Variants in PRKN observed in about 807,000 individuals in gnomAD.
PRKN encodes E3 ubiquitin-protein ligase parkin.
In PRKN, 56 loss-of-function variants were observed where a neutral mutation model predicts 59.5. The ratio of observed to expected loss-of-function variants is 0.94; its 90% CI spans 0.76 to 1.18. The LOEUF (loss-of-function observed/expected upper bound fraction) is 1.18, where lower values mean the gene tolerates loss of function less well. PRKN is among the 50% of genes most tolerant of loss of function. The pLI, the probability that PRKN is intolerant of heterozygous loss-of-function variation, is 0.00. For synonymous variants in PRKN, 250 were observed against 222.1 expected, an observed-to-expected ratio of 1.13 and a Z score of -1.12; for missense variants, 657 against 596.4, an observed-to-expected ratio of 1.10 and a Z score of -1.06.
chr6:162,463,840 A>G (rs1351180979), intron 1 of PRKN, among the ~76,000 whole-genome samples: 1 of 152,180 alleles, frequency 6.6e-6, no homozygotes, highest in Non-Finnish European at 1.5e-5. Flanking sequence ...AGAGGGATAA[A>G]GTCTCAGATA....
intron 7 of PRKN, among the ~76,000 whole-genome samples, chr6:161,620,954 G>A (rs1482951235): frequency 1.3e-5 from 2 of 152,172 alleles, no homozygotes; most frequent in Non-Finnish European, 2.9e-5. Flanking sequence ...AGGATAGGCT[G>A]TATAATTCCG....
Position 161,423,437 on chromosome 6 carries a change from C to A in PRKN, c.1084-36560G>T, listed in dbSNP as rs569054860. Among the ~76,000 whole-genome samples the A allele has an allele frequency of 9.2e-5, 14 of 152,274 alleles. No individual in the cohort carries two copies. Among genetic ancestry groups the A allele is most frequent in the South Asian group, 4.1e-4 (2 of 4,826 alleles). ...TAACCACCTGAATTTTATGGGGGAA[C>A]CTTCTGCACGTATTCATGCATGAAG... On this transcript the variant is annotated intron_variant, in intron 9 of 11. Coordinates refer to ENST00000366898, the MANE Select transcript of PRKN (RefSeq NM_004562.3). The surrounding 1 kb of genome is among the most constrained non-coding windows in gnomAD (Gnocchi z 5.9).
intron 1 of PRKN, among the ~76,000 whole-genome samples, chr6:162,510,450 G>T (rs943037364): frequency 6.6e-6 from 1 of 152,120 alleles, no homozygotes; most frequent in Non-Finnish European, 1.5e-5. Flanking sequence ...GTATTTTCTT[G>T]GCATGCAGCC....
At chr6:162,071,605 T>A (rs1204045132) in intron 4 of PRKN, among the ~76,000 whole-genome samples, 1 of 149,424 alleles carries the variant, frequency 6.7e-6, no homozygotes, top group Non-Finnish European at 1.5e-5. Flanking sequence ...TTAATTTTTT[T>A]TTTTTTTTTG....
chr6:162,488,494 C>T (rs549256339), intron 1 of PRKN, among the ~76,000 whole-genome samples: 2 of 152,270 alleles, frequency 1.3e-5, no homozygotes, highest in East Asian at 1.9e-4. Flanking sequence ...ATCAGCAGAG[C>T]TCAGGCTGAA....
At chr6:162,579,006 CAT>C (rs1780672346) in intron 1 of PRKN, among the ~76,000 whole-genome samples, 1 of 152,180 alleles carries the variant, frequency 6.6e-6, no homozygotes, top group African/African-American at 2.4e-5. Context: ...TATTTACCCA[CAT>C]ATGTTTCTTT....
intron 7 of PRKN, among the ~76,000 whole-genome samples, chr6:161,686,772 C>G (rs545419066): frequency 6.6e-6 from 1 of 152,264 alleles, no homozygotes; most frequent in African/African-American, 2.4e-5. Context: ...CACACTTAGC[C>G]CAGACTCCCT....
intron 4 of PRKN, among the ~76,000 whole-genome samples, chr6:162,107,380 G>T (rs774586396): frequency 6.6e-6 from 1 of 152,170 alleles, no homozygotes; most frequent in African/African-American, 2.4e-5. Context: ...CAGGAGTATC[G>T]CATGAACGCA....
At chr6:162,601,748 T>C (rs543071166) in intron 1 of PRKN, among the ~76,000 whole-genome samples, 1 of 152,288 alleles carries the variant, frequency 6.6e-6, no homozygotes, top group South Asian at 2.1e-4. Flanking sequence ...GAGGAGTATA[T>C]TTAAAGGGTG....
intron 6 of PRKN, among the ~76,000 whole-genome samples, chr6:161,889,855 A>C (rs1795278882): frequency 6.6e-6 from 1 of 152,232 alleles, no homozygotes; most frequent in African/African-American, 2.4e-5. Flanking sequence ...GACAGCTTCC[A>C]ATTATCTGTA....
At chr6:161,741,241 G>A (rs969315366) in intron 7 of PRKN, among the ~76,000 whole-genome samples, 9 of 152,190 alleles carry the variant, frequency 5.9e-5, no homozygotes, top group African/African-American at 2.2e-4. Flanking sequence ...TGGTACTCAT[G>A]TGAGGGTAAT....
intron 1 of PRKN, among the ~76,000 whole-genome samples, chr6:162,502,852 G>A (rs1444392841): frequency 6.6e-6 from 1 of 152,056 alleles, no homozygotes; most frequent in East Asian, 1.9e-4. Context: ...AATAAATCCA[G>A]CAGAACCAGT....
chr6:162,596,032 A>G (rs1781484218), intron 1 of PRKN, among the ~76,000 whole-genome samples: 1 of 152,202 alleles, frequency 6.6e-6, no homozygotes, highest in Admixed American at 6.5e-5. Context: ...TCCAAATTTA[A>G]TTGCCTAACA....
At chr6:162,215,732 T>C (rs528783899) in intron 3 of PRKN, among the ~76,000 whole-genome samples, 46 of 152,066 alleles carry the variant, frequency 3.0e-4, no homozygotes, top group Non-Finnish European at 4.7e-4. Flanking sequence ...CATCACTGAA[T>C]ACAGGAGCAA....
chr6:161,898,117 A>G (rs999757661), intron 6 of PRKN, among the ~76,000 whole-genome samples: 2 of 152,146 alleles, frequency 1.3e-5, no homozygotes, highest in African/African-American at 4.8e-5. Context: ...ATAGTAAAGC[A>G]AAATCACTAT....
At chr6:161,820,902 A>C (rs183285739) in intron 6 of PRKN, among the ~76,000 whole-genome samples, 1 of 151,796 alleles carries the variant, frequency 6.6e-6, no homozygotes, top group African/African-American at 2.4e-5. Context: ...ACGCCTTTGG[A>C]AAATACCCCC....
chr6:161,614,541 G>T (rs988842057), intron 7 of PRKN, among the ~76,000 whole-genome samples: 1 of 152,170 alleles, frequency 6.6e-6, no homozygotes, highest in Non-Finnish European at 1.5e-5. Context: ...TGCACCACCG[G>T]ACTGAAATCT....
intron 7 of PRKN, among the ~76,000 whole-genome samples, chr6:161,612,718 CAAA>C (rs57084261): frequency 1.8e-4 from 11 of 59,632 alleles, no homozygotes; most frequent in African/African-American, 5.4e-4. Flanking sequence ...GACTCCATCT[CAAA>C]AAAAAAAAAA....
intron 7 of PRKN, among the ~76,000 whole-genome samples, chr6:161,624,461 G>T (rs1783015593): frequency 6.6e-6 from 1 of 152,186 alleles, no homozygotes; most frequent in South Asian, 2.1e-4. Context: ...TATAAACTGG[G>T]GAGATGCTCT....
Sources: allele counts gnomAD v4.1 joint callset (sites outside exome capture counted in the v4.1 genomes callset), GRCh38; gene constraint gnomAD v4.1.1; non-coding constraint Gnocchi (gnomAD v3.1); transcripts MANE v1.5; gene names NCBI Gene and HGNC (gene_info 2026-07-23, HGNC 2026-07-21).